The following SHLD2 variants were observed in gnomAD, a reference collection of about 807,000 sequenced individuals.
The protein encoded by SHLD2 is RINN1-REV7-interacting novel NHEJ regulator 2.
A neutral mutation model predicts 73.2 loss-of-function variants in SHLD2; 30 were observed. The observed-to-expected ratio is 0.41, with a 90% CI of 0.31 to 0.56. The LOEUF (loss-of-function observed/expected upper bound fraction) is 0.56, where lower values mean the gene tolerates loss of function less well. SHLD2 is among the 20% of genes least tolerant of loss of function. The pLI is 0.28. For synonymous variants in SHLD2, 285 were observed against 370.1 expected (o/e 0.77, Z 2.64); for missense variants, 745 against 1,055.9 (o/e 0.71, Z 4.08).
intron 7 of SHLD2, among the ~76,000 whole-genome samples, chr10:87,178,154 T>C (rs1489357061): frequency 7.1e-6 from 1 of 140,038 alleles, no homozygotes; most frequent in Non-Finnish European, 1.5e-5. Context: ...GAAAATTGCT[T>C]GAACGCAGGA....
At chr10:87,108,149 A>G (rs1447771871) in intron 2 of SHLD2, among the ~76,000 whole-genome samples, 1 of 152,134 alleles carries the variant, frequency 6.6e-6, no homozygotes, top group Non-Finnish European at 1.5e-5. Context: ...TCCCAGGTTC[A>G]AGTGATTCTC....
chr10:87,161,048 A>G (rs965580698), intron 4 of SHLD2, among the ~76,000 whole-genome samples: 1 of 152,142 alleles, frequency 6.6e-6, no homozygotes, highest in Non-Finnish European at 1.5e-5. Flanking sequence ...AATTATTTCT[A>G]TTTACAAATG....
At chr10:87,141,429 C>T (rs1318066371) in intron 2 of SHLD2, among the ~76,000 whole-genome samples, 2 of 151,192 alleles carry the variant, frequency 1.3e-5, no homozygotes, top group African/African-American at 4.9e-5. Context: ...CAACCTCCAC[C>T]TCCTGGATTC....
intron 4 of SHLD2, among the ~76,000 whole-genome samples, chr10:87,161,801 T>G (rs1274601830): frequency 2.6e-5 from 4 of 152,074 alleles, no homozygotes; most frequent in African/African-American, 9.7e-5. Flanking sequence ...CAAGAATAGC[T>G]AGGAAAAGAC....
intron 4 of SHLD2, among the ~76,000 whole-genome samples, chr10:87,168,803 A>G (rs1847385475): frequency 1.3e-5 from 2 of 151,784 alleles, no homozygotes; most frequent in African/African-American, 4.8e-5. Context: ...TTGAAAAACT[A>G]CCTGTTGGGT....
chr10:87,163,013 T>C (rs1398443781), intron 4 of SHLD2, among the ~76,000 whole-genome samples: 1 of 152,062 alleles, frequency 6.6e-6, no homozygotes, highest in Non-Finnish European at 1.5e-5. Flanking sequence ...AATATGAAAA[T>C]ACATATCACA....
At chr10:87,124,527 C>A (rs1843847873) in intron 2 of SHLD2, among the ~76,000 whole-genome samples, 1 of 152,000 alleles carries the variant, frequency 6.6e-6, no homozygotes, top group Admixed American at 6.6e-5. Flanking sequence ...CAGAATGAGA[C>A]CCTATCTCAA....
intron 6 of SHLD2, among the ~76,000 whole-genome samples, chr10:87,174,777 A>G (rs2134633248): frequency 6.6e-6 from 1 of 152,344 alleles, no homozygotes; most frequent in Non-Finnish European, 1.5e-5. Context: ...GAATTTACTA[A>G]TAGAGAATAT....
intron 2 of SHLD2, among the ~76,000 whole-genome samples, chr10:87,104,684 G>A (rs1217872090): frequency 2.0e-5 from 3 of 150,018 alleles, no homozygotes; most frequent in Non-Finnish European, 4.4e-5. Context: ...TTCTTGAGAC[G>A]GAGTCTTGCT....
chr10:87,133,709 A>G (rs1437791389), intron 2 of SHLD2, among the ~76,000 whole-genome samples: 11 of 152,238 alleles, frequency 7.2e-5, no homozygotes. Context: ...TTAAAGAATA[A>G]TATGTTGTCT....
At chr10:87,187,516 A>G (rs1848693447) in intron 9 of SHLD2, among the ~76,000 whole-genome samples, 1 of 152,188 alleles carries the variant, frequency 6.6e-6, no homozygotes, top group Non-Finnish European at 1.5e-5. Flanking sequence ...ATATATGAAG[A>G]TAGTCCACTG....
chr10:87,137,154 G>C (rs1399379655), intron 2 of SHLD2, among the ~76,000 whole-genome samples: 8 of 152,120 alleles, frequency 5.3e-5, no homozygotes, highest in Admixed American at 6.6e-5. Flanking sequence ...AGTAGAAGAA[G>C]ACCCAGAGAT....
upstream of SHLD2, chr10:87,094,933 A>C (rs1841698195): frequency 5.4e-6 from 2 of 370,298 alleles, no homozygotes; most frequent in Admixed American, 7.8e-5. The surrounding 1 kb of genome is among the most constrained non-coding windows in gnomAD (Gnocchi z 6.6). Context: ...CCTAACGGGG[A>C]GGACGGACTT....
chr10:87,171,797 G>T (rs1564610883), intron 6 of SHLD2, among the ~76,000 whole-genome samples: 1 of 152,166 alleles, frequency 6.6e-6, no homozygotes. Flanking sequence ...TAGGATTTGA[G>T]ATAAGTCTAA....
intron 2 of SHLD2, among the ~76,000 whole-genome samples, chr10:87,134,794 G>T (rs1240699760): frequency 6.6e-6 from 1 of 152,138 alleles, no homozygotes; most frequent in Middle Eastern, 3.2e-3. Context: ...CCAAGGACTG[G>T]GGACAGGGCA....
intron 4 of SHLD2, among the ~76,000 whole-genome samples, chr10:87,169,611 G>A (rs1203087095): frequency 6.6e-6 from 1 of 151,868 alleles, no homozygotes; most frequent in Non-Finnish European, 1.5e-5. Flanking sequence ...AGTGTTTATT[G>A]CCAATATCTT....
intron 7 of SHLD2, among the ~76,000 whole-genome samples, chr10:87,176,824 T>C (rs1323599961): frequency 6.6e-6 from 1 of 152,270 alleles, no homozygotes; most frequent in African/African-American, 2.4e-5. Context: ...ACCCAACTTT[T>C]AATTGAATAC....
At chr10:87,142,922 C>CTTTTTT (rs71269253) in intron 2 of SHLD2, among the ~76,000 whole-genome samples, 1 of 83,198 alleles carries the variant, frequency 1.2e-5, no homozygotes, top group Non-Finnish European at 2.2e-5. Flanking sequence ...TTTATTTTTA[C>CTTTTTT]TTTTTTTTTT....
At chr10:87,180,994 T>C (rs1848269455) in intron 8 of SHLD2, among the ~76,000 whole-genome samples, 1 of 152,198 alleles carries the variant, frequency 6.6e-6, no homozygotes, top group South Asian at 2.1e-4. Flanking sequence ...GTAAACCTTA[T>C]TTCTCTTTAC....
Sources: allele counts gnomAD v4.1 joint callset (sites outside exome capture counted in the v4.1 genomes callset), GRCh38; gene constraint gnomAD v4.1.1; non-coding constraint Gnocchi (gnomAD v3.1); transcripts MANE v1.5; gene names NCBI Gene and HGNC (gene_info 2026-07-23, HGNC 2026-07-21).